Variants in NAV3 observed in about 807,000 individuals in gnomAD.
NAV3 encodes pore membrane and/or filament interacting like protein 1.
Under a neutral mutation model 244.7 loss-of-function variants are expected in NAV3, and 87 were observed. The observed-to-expected ratio is 0.36, with a 90% confidence interval of 0.30 to 0.42. NAV3 has a LOEUF of 0.42. NAV3 is among the 20% of genes least tolerant of loss of function. The probability of loss-of-function intolerance (pLI) is 1.00; values close to 1 mark genes in which losing one functional copy is unlikely to be tolerated. For synonymous variants in NAV3, 1,126 were observed against 1,042.2 expected (o/e 1.08, Z -1.55); for missense variants, 2,663 against 2,893.3 (o/e 0.92, Z 1.83).
chr12:78,180,176 T>C (rs1294858315), intron 29 of NAV3, among the ~76,000 whole-genome samples: 1 of 152,108 alleles, frequency 6.6e-6, no homozygotes, highest in Non-Finnish European at 1.5e-5. Flanking sequence ...TTGTGTATTT[T>C]TTTGAAAAAC....
intron 10 of NAV3, 144 bp from the exon 11 acceptor site, chr12:78,050,620 A>G (rs2137238401): frequency 1.1e-6 from 1 of 882,376 alleles, no homozygotes; most frequent in East Asian, 2.6e-5. Flanking sequence ...ATTTGACCTC[A>G]AAATGAATAT....
chr12:77,931,529 T>C (rs540860918), intron 1 of NAV3, among the ~76,000 whole-genome samples: 1 of 152,210 alleles, frequency 6.6e-6, no homozygotes, highest in East Asian at 1.9e-4. Context: ...ATCAAACCCC[T>C]GGTAAACCTC....
intron 1 of NAV3, among the ~76,000 whole-genome samples, chr12:77,918,553 T>C (rs574208482): frequency 2.0e-5 from 3 of 152,068 alleles, no homozygotes; most frequent in Non-Finnish European, 4.4e-5. Context: ...GTTATCTATT[T>C]GGGCTGAGTT....
At chr12:77,578,690 C>T (rs1592469068) in intron 2 of NAV3, among the ~76,000 whole-genome samples, 1 of 152,098 alleles carries the variant, frequency 6.6e-6, no homozygotes, top group South Asian at 2.1e-4. Flanking sequence ...TAAGTGCATA[C>T]CCAGACTAAT....
chr12:77,657,718 G>C (rs1407021589), intron 2 of NAV3, among the ~76,000 whole-genome samples: 7 of 152,080 alleles, frequency 4.6e-5, no homozygotes, highest in African/African-American at 2.4e-5. Flanking sequence ...ATAAAATACT[G>C]GCAAACTGAA....
chr12:77,645,481 G>C (rs1038932583), intron 2 of NAV3, among the ~76,000 whole-genome samples: 2 of 144,056 alleles, frequency 1.4e-5, no homozygotes, highest in African/African-American at 5.3e-5. Context: ...AGTCAAGTAG[G>C]CAGTTTGAGC....
chr12:77,960,463 AC>A lies in NAV3; in HGVS notation c.415-5765del, dbSNP rs1194989173. 7.3e-4 allele frequency among the ~76,000 whole-genome samples: 110 copies of A among 150,586 alleles called. 1 individual carries two copies. In the South Asian group the frequency reaches 0.021, roughly 29 times the overall value. On this transcript the variant is annotated intron_variant, in intron 3 of 39. Coordinates refer to ENST00000397909, the MANE Select transcript of NAV3 (RefSeq NM_001024383.2). Reference sequence around the variant, plus strand: ...TATATATATATATACACACACACACACACACACATATACATAAACACATATA... The same window carrying A: ...TATATATATATATACACACACACACAACACACATATACATAAACACATATA...
chr12:77,931,477 ATCTG>A lies in NAV3; in HGVS notation c.244-8838_244-8835del, dbSNP rs377247742. On this transcript the variant is annotated intron_variant, in intron 1 of 39. Transcript: ENST00000397909. ...CTGTATTTTATTCTGGCTTCTTTTT[ATCTG>A]TCTATTTTGGTATCTCCATTTTATT... Among the ~76,000 whole-genome samples the A allele has an allele frequency of 9.5e-4, 144 of 152,088 alleles. 1 individual carries two copies. Among genetic ancestry groups the A allele is most frequent in the African/African-American group, 3.3e-3 (137 of 41,500 alleles).
At chr12:78,053,280 A>G (rs1273964673) in intron 11 of NAV3, among the ~76,000 whole-genome samples, 3 of 151,708 alleles carry the variant, frequency 2.0e-5, no homozygotes, top group East Asian at 1.9e-4. Flanking sequence ...ATGTATGTAT[A>G]TATACCTATG....
At chr12:77,771,130 A>G (rs1245352292) in intron 2 of NAV3, among the ~76,000 whole-genome samples, 3 of 152,234 alleles carry the variant, frequency 2.0e-5, no homozygotes, top group African/African-American at 7.2e-5. Flanking sequence ...TCTCAAAAGA[A>G]GACATTTATG....
chr12:77,608,909 A>G (rs1455043699), intron 2 of NAV3, among the ~76,000 whole-genome samples: 3 of 152,004 alleles, frequency 2.0e-5, no homozygotes, highest in Non-Finnish European at 4.4e-5. Context: ...TATTGGCCTC[A>G]GTTTCCCCAT....
At chr12:77,586,143 C>T (rs1193737544) in intron 2 of NAV3, among the ~76,000 whole-genome samples, 6 of 151,120 alleles carry the variant, frequency 4.0e-5, no homozygotes, top group South Asian at 2.1e-4. Context: ...GCCTGGGCGA[C>T]GGAGCGAGAC....
chr12:78,111,195 G>A (rs946087220), intron 12 of NAV3, among the ~76,000 whole-genome samples: 4 of 151,998 alleles, frequency 2.6e-5, no homozygotes, highest in African/African-American at 4.8e-5. Context: ...AATTATATAC[G>A]TGTAACAAAA....
chr12:77,656,102 T>G (rs775604053), intron 2 of NAV3, among the ~76,000 whole-genome samples: 1 of 150,904 alleles, frequency 6.6e-6, no homozygotes, highest in East Asian at 1.9e-4. Flanking sequence ...AATTCACACA[T>G]AACAATATTA....
In NAV3 at chr12:77,766,735, G is replaced by GTTTGTTTTTTTTTTTTTTTTTTTTTTTTT. The variant is rs1555202961; in HGVS notation, c.73-173581_73-173580insGTTTTTTTTTTTTTTTTTTTTTTTTTTTT. On this transcript the variant is annotated intron_variant, in intron 2 of 8. Coordinates refer to the NAV3 transcript ENST00000550042. ...AGGATTCTAAAAAACAGGCAATTAA[G>GTTTGTTTTTTTTTTTTTTTTTTTTTTTTT]TTTTTTTTTTTTTTTTTTTTTTTTT... is the stretch of plus-strand genomic sequence containing the variant. 1.3e-4 allele frequency among the ~76,000 whole-genome samples: 8 copies of GTTTGTTTTTTTTTTTTTTTTTTTTTTTTT among 60,514 alleles called. 2 individuals carry two copies. The highest frequency in any genetic ancestry group is 8.4e-4 in the South Asian group (1 of 1,190). The allele number at this position is 60,514 out of a possible 152,430, so 39.7% of individuals were successfully genotyped here.
At chr12:77,826,568 G>A (rs1277883475), upstream of NAV3, among the ~76,000 whole-genome samples, 2 of 152,030 alleles carry the variant, frequency 1.3e-5, no homozygotes, top group Non-Finnish European at 2.9e-5. Context: ...ATGCATAAAC[G>A]AATTGTGCCA....
chr12:77,894,457 G>A (rs1884328922), intron 1 of NAV3, among the ~76,000 whole-genome samples: 1 of 152,096 alleles, frequency 6.6e-6, no homozygotes, highest in Non-Finnish European at 1.5e-5. Flanking sequence ...GGAATTTTAT[G>A]TAAAAGTTTC....
At chr12:77,924,436 G>A (rs1424036133) in intron 1 of NAV3, among the ~76,000 whole-genome samples, 1 of 152,114 alleles carries the variant, frequency 6.6e-6, no homozygotes, top group Non-Finnish European at 1.5e-5. Context: ...GCTATGGAAG[G>A]TGGAGCACAA....
intron 2 of NAV3, among the ~76,000 whole-genome samples, chr12:77,636,215 C>T (rs1334122463): frequency 6.6e-6 from 1 of 152,084 alleles, no homozygotes; most frequent in Non-Finnish European, 1.5e-5. Flanking sequence ...CCTGTAATCA[C>T]AGCACTTTGG....
Sources: gnomAD v4.1 joint callset for allele counts (sites outside exome capture counted in the v4.1 genomes callset) on GRCh38, gnomAD v4.1.1 for gene constraint, MANE v1.5 for transcripts, NCBI Gene and HGNC (gene_info 2026-07-23, HGNC 2026-07-21) for gene names.